Variants in PCBP3 observed in about 807,000 individuals in gnomAD.
PCBP3 encodes poly(rC) binding protein 3.
In PCBP3, 25 loss-of-function variants were observed where a neutral mutation model predicts 52.7. That is an observed-to-expected ratio of 0.47 (90% confidence interval 0.35 to 0.66). The LOEUF is 0.66. Among genes scored for constraint, PCBP3 ranks in the 30% least tolerant of loss-of-function variants. The pLI, the probability that PCBP3 is intolerant of heterozygous loss-of-function variation, is 0.01. For missense variants in PCBP3, 391 were observed against 490.3 expected (o/e 0.80, Z 1.91); for synonymous variants, 162 against 183.0 (o/e 0.89, Z 0.93).
At chr21:45,838,625 T>G (rs1415544523) in intron 4 of PCBP3, among the ~76,000 whole-genome samples, 1 of 152,218 alleles carries the variant, frequency 6.6e-6, no homozygotes, top group East Asian at 1.9e-4. Flanking sequence ...ATACTAGTTT[T>G]TCTTTTCTCT....
intron 17 of PCBP3, among the ~76,000 whole-genome samples, chr21:45,941,287 T>G (rs2077443522): frequency 6.6e-6 from 1 of 152,166 alleles, no homozygotes; most frequent in Non-Finnish European, 1.5e-5. Flanking sequence ...GGACCCGTGC[T>G]TGGGGCCAGA....
At chr21:45,849,933 C>T (rs2093929845) in intron 4 of PCBP3, 28 bp from the exon 5 acceptor site, 4 of 719,232 alleles carry the variant, frequency 5.6e-6, no homozygotes, top group South Asian at 3.2e-5. Flanking sequence ...CTGGTGCGCT[C>T]ACACAGCCCT....
At position 45,901,118 on chromosome 21, in the gene PCBP3, C is replaced by T. The variant is rs904721617; in HGVS notation, c.339+5C>T. On this transcript the variant is annotated splice_donor_5th_base_variant and intron_variant, in intron 9 of 17. Coordinates refer to ENST00000681687, the MANE Select transcript of PCBP3 (RefSeq NM_001384156.1). Reference sequence around the variant, plus strand: ...ATCGCATACAAGTTTGAGGAGGTAACCTGCACCCCAGGCACCTCTGCCAGC... The same window carrying T: ...ATCGCATACAAGTTTGAGGAGGTAATCTGCACCCCAGGCACCTCTGCCAGC... 1 of 1,593,208 alleles carries T rather than the reference C, an allele frequency of 6.3e-7. No individual in the cohort carries two copies. Among genetic ancestry groups the T allele is most frequent in the Non-Finnish European group, 8.6e-7 (1 of 1,161,334 alleles).
chr21:45,667,075 G>GTTCGTTCGTTCTTTCTTTCTTTCTTTCT (rs1357637647), intron 1 of PCBP3, among the ~76,000 whole-genome samples: 186 of 147,660 alleles, frequency 1.3e-3, no homozygotes, highest in African/African-American at 4.5e-3. Flanking sequence ...GCATCTGTTT[G>GTTCGTTCGTTCTTTCTTTCTTTCTTTCT]TTCTTTCTTT....
At chr21:45,806,280 G>C (rs183542016) in intron 4 of PCBP3, among the ~76,000 whole-genome samples, 4 of 152,158 alleles carry the variant, frequency 2.6e-5, no homozygotes, top group African/African-American at 9.7e-5. Flanking sequence ...GCAGAGACTC[G>C]AGCAGGGTGG....
chr21:45,810,125 A>G (rs2092638164), intron 4 of PCBP3, among the ~76,000 whole-genome samples: 1 of 152,168 alleles, frequency 6.6e-6, no homozygotes, highest in Admixed American at 6.5e-5. Context: ...CTGCCTTATC[A>G]TGTTAATATG....
chr21:45,820,042 G>A (rs2093083984), intron 4 of PCBP3, among the ~76,000 whole-genome samples: 1 of 152,346 alleles, frequency 6.6e-6, no homozygotes, highest in East Asian at 1.9e-4. Context: ...TACACCGCAG[G>A]ACTGTTGCGG....
chr21:45,720,986 C>G (rs769438959), intron 2 of PCBP3, among the ~76,000 whole-genome samples: 2 of 152,222 alleles, frequency 1.3e-5, no homozygotes, highest in Non-Finnish European at 2.9e-5. Flanking sequence ...CTTTGTGCTG[C>G]CCTGTGCTGC....
chr21:45,681,897 A>G (rs866837986), intron 2 of PCBP3, among the ~76,000 whole-genome samples: 7 of 152,296 alleles, frequency 4.6e-5, no homozygotes, highest in Admixed American at 6.5e-5. Context: ...ATTAGAAATT[A>G]TCCAATTTTT....
At chr21:45,900,844 G>T (rs997980685) in intron 8 of PCBP3, among the ~76,000 whole-genome samples, 153 bp from the exon 9 acceptor site, 1 of 152,216 alleles carries the variant, frequency 6.6e-6, no homozygotes, top group Non-Finnish European at 1.5e-5. Context: ...CATTGTAAAG[G>T]AGATTGTTGA....
rs984288548 is a variant in PCBP3, at chr21:45,791,994, C to T, written c.-126+36542C>T. Among the ~76,000 whole-genome samples the T allele has an allele frequency of 6.6e-6, 1 of 152,242 alleles. No homozygotes were observed. The highest frequency in any genetic ancestry group is 2.4e-5 in the African/African-American group (1 of 41,468). On this transcript the variant is annotated intron_variant, in intron 4 of 17. Transcript: ENST00000681687. The surrounding 1 kb of genome is among the most constrained non-coding windows in gnomAD (Gnocchi z 4.2). ...CAGCCTTTCCTTTCCTTGCTCCAGT[C>T]GCTTGGGTGTGAGTCCTGCTTCTCC...
At chr21:45,846,809 A>T (rs556748286) in intron 4 of PCBP3, among the ~76,000 whole-genome samples, 3 of 152,274 alleles carry the variant, frequency 2.0e-5, no homozygotes, top group South Asian at 4.1e-4. Context: ...GGAGATTGCA[A>T]TCCCTGCTCT....
chr21:45,775,333 T>C (rs1693938893), intron 4 of PCBP3, among the ~76,000 whole-genome samples: 1 of 129,238 alleles, frequency 7.7e-6, no homozygotes, highest in Admixed American at 7.9e-5. Context: ...TGATGATCTT[T>C]TGTATTTCTG....
At chr21:45,876,019 C>T (rs2095247276) in intron 5 of PCBP3, among the ~76,000 whole-genome samples, 1 of 152,180 alleles carries the variant, frequency 6.6e-6, no homozygotes, top group Non-Finnish European at 1.5e-5. Context: ...GAGGAATGTT[C>T]CCGCTGGACC....
At chr21:45,721,952 A>G (rs2084678078) in intron 2 of PCBP3, among the ~76,000 whole-genome samples, 1 of 152,238 alleles carries the variant, frequency 6.6e-6, no homozygotes, top group African/African-American at 2.4e-5. Flanking sequence ...GTTCAAGTAT[A>G]TGAGAAGCTC....
chr21:45,724,238 C>T lies in PCBP3; in HGVS notation c.-199-11154C>T, dbSNP rs189066183. Among the ~76,000 whole-genome samples, 363 of 152,290 alleles carry T rather than the reference C, an allele frequency of 2.4e-3. 2 individuals are homozygous for T. The highest frequency in any genetic ancestry group is 8.2e-3 in the African/African-American group (340 of 41,552). ...TCTGAGCTCCTATTAACACATTTATCGAAAATGGAACCTATGAGCAAATTC... is the reference window on the plus strand; with the variant it reads ...TCTGAGCTCCTATTAACACATTTATTGAAAATGGAACCTATGAGCAAATTC... On this transcript the variant is annotated intron_variant, in intron 2 of 17. Coordinates refer to ENST00000681687, the MANE Select transcript of PCBP3 (RefSeq NM_001384156.1). This position sits in a 1 kb window ranked among gnomAD's most constrained non-coding sequence, Gnocchi z 5.3.
rs755771090 is a variant in PCBP3 at position 45,827,305 on chromosome 21, G to A, written c.-125-22656G>A. Among the ~76,000 whole-genome samples, 10 of 152,144 alleles carry A rather than the reference G, an allele frequency of 6.6e-5. No individual in the cohort carries two copies. Among genetic ancestry groups the A allele is most frequent in the Non-Finnish European group, 1.3e-4 (9 of 68,028 alleles). On this transcript the variant is annotated intron_variant, in intron 4 of 17. Transcript: ENST00000681687. This position sits in a 1 kb window ranked among gnomAD's most constrained non-coding sequence, Gnocchi z 4.3. Reference sequence around the variant, plus strand: ...CGCTGCGATGGTGTCGGAGGAGGCCGGTGAAAATGAGATAAAAGAAGATCT... The same window carrying A: ...CGCTGCGATGGTGTCGGAGGAGGCCAGTGAAAATGAGATAAAAGAAGATCT...
intron 4 of PCBP3, among the ~76,000 whole-genome samples, chr21:45,770,494 C>G (rs184082824): frequency 7.2e-5 from 11 of 152,270 alleles, no homozygotes; most frequent in Admixed American, 3.3e-4. Context: ...TTGTGTTTTT[C>G]TTCATGTGGC....
intron 5 of PCBP3, 142 bp from the exon 6 acceptor site, chr21:45,896,066 G>C (rs997811932): frequency 2.8e-6 from 2 of 719,470 alleles, no homozygotes; most frequent in Non-Finnish European, 4.6e-6. Flanking sequence ...CCCAGCAGGC[G>C]AGGCCTGGTC....
Sources: allele counts gnomAD v4.1 joint callset (sites outside exome capture counted in the v4.1 genomes callset), GRCh38; gene constraint gnomAD v4.1.1; non-coding constraint Gnocchi (gnomAD v3.1); transcripts MANE v1.5; gene names NCBI Gene and HGNC (gene_info 2026-07-23, HGNC 2026-07-21).